Variants in VPS13D observed in about 807,000 individuals in gnomAD.
VPS13D encodes vacuolar protein sorting 13 homolog D, also known as intermembrane lipid transfer protein VPS13D.
In VPS13D, 187 loss-of-function variants were observed where a neutral mutation model predicts 461.9. The ratio of observed to expected loss-of-function variants is 0.40; its 90% CI spans 0.36 to 0.46. The LOEUF is 0.46. VPS13D is among the 20% of genes least tolerant of loss of function. The pLI is 0.60. For missense variants in VPS13D, 4,711 were observed against 5,364.9 expected (o/e 0.88, Z 3.81); for synonymous variants, 1,951 against 1,986.3 (o/e 0.98, Z 0.47).
intron 57 of VPS13D, among the ~76,000 whole-genome samples, chr1:12,381,984 C>CTTTCTTTCTT (rs1557745739): frequency 3.2e-5 from 2 of 63,318 alleles, no homozygotes; most frequent in East Asian, 3.9e-4. Context: ...CTTTCTTTCT[C>CTTTCTTTCTT]TCTCTCTCTC....
chr1:12,268,927 A>G, intron 16 of VPS13D, 51 bp downstream of exon 16: 1 of 1,571,954 alleles, frequency 6.4e-7, no homozygotes, highest in Non-Finnish European at 8.6e-7. Context: ...AAACATCTTT[A>G]TTGTTATTTC....
intron 16 of VPS13D, among the ~76,000 whole-genome samples, chr1:12,270,275 G>A (rs1446185924): frequency 6.6e-6 from 1 of 151,884 alleles, no homozygotes; most frequent in Non-Finnish European, 1.5e-5. Context: ...TAGCCAACAT[G>A]GTGAAACCCT....
Position 12,256,562 on chromosome 1 carries a change from G to A in VPS13D, c.840+59G>A, listed in dbSNP as rs570980233. 1.2e-5 allele frequency: 19 copies of A among 1,575,858 alleles called. 1 individual carries two copies. In the African/African-American group the frequency reaches 2.3e-4, roughly 19 times the overall value. ...TGTCAAACTGGTGACTGCAGTGAAA[G>A]TCTTGATATTAACGTATCCTCAGCA... On this transcript the variant is annotated intron_variant, in intron 8 of 69. Transcript: ENST00000620676.
At chr1:12,278,727 A>T (rs1641692500) in intron 19 of VPS13D, among the ~76,000 whole-genome samples, 1 of 152,156 alleles carries the variant, frequency 6.6e-6, no homozygotes, top group Non-Finnish European at 1.5e-5. Flanking sequence ...TCCTAGTTAA[A>T]CATTTTAGCC....
At chr1:12,230,630 A>C (rs1478541316) in intron 1 of VPS13D, among the ~76,000 whole-genome samples, 2 of 151,928 alleles carry the variant, frequency 1.3e-5, no homozygotes, top group Admixed American at 1.3e-4. Context: ...CACCTCCCTT[A>C]ATCAGCCACC....
intron 15 of VPS13D, 51 bp from the exon 16 acceptor site, chr1:12,268,655 G>A (rs756122948): frequency 1.3e-6 from 2 of 1,569,514 alleles, no homozygotes; most frequent in Admixed American, 2.0e-5. Flanking sequence ...CTGTTAATAA[G>A]GCTATAGTTT....
intron 56 of VPS13D, 132 bp downstream of exon 56, chr1:12,378,723 C>A: frequency 1.0e-6 from 1 of 966,052 alleles, no homozygotes; most frequent in Non-Finnish European, 1.4e-6. Context: ...AAAAACCTGT[C>A]ATATTCCCAA....
chr1:12,303,133 T>G (rs1441738576), intron 25 of VPS13D, among the ~76,000 whole-genome samples: 1 of 152,234 alleles, frequency 6.6e-6, no homozygotes, highest in Non-Finnish European at 1.5e-5. Context: ...TTTGCATGTG[T>G]GAGGTTTGTC....
chr1:12,253,880 T>C (rs1418498195), intron 7 of VPS13D, 54 bp downstream of exon 7: 1 of 1,441,344 alleles, frequency 6.9e-7, no homozygotes, highest in African/African-American at 1.4e-5. Flanking sequence ...GGAAGCGGCG[T>C]AGGGTCACTG....
intron 65 of VPS13D, among the ~76,000 whole-genome samples, chr1:12,428,371 A>G (rs940074212): frequency 6.6e-6 from 1 of 152,178 alleles, no homozygotes; most frequent in African/African-American, 2.4e-5. Context: ...TCTATTACAC[A>G]CCAGTGGGGA....
At chr1:12,408,966 T>C (rs914671964) in intron 63 of VPS13D, among the ~76,000 whole-genome samples, 14 of 152,230 alleles carry the variant, frequency 9.2e-5, no homozygotes, top group African/African-American at 3.4e-4. Flanking sequence ...CACTTGTCTA[T>C]TTTTCTGTCA....
rs935142852 is a variant in VPS13D, at chr1:12,343,066, ATTC to A, written c.8885+18_8885+20del. On this transcript the variant is annotated intron_variant, in intron 42 of 69. Transcript: ENST00000620676. Reference sequence around the variant, plus strand: ...TTAAGACACAGGTAAAGTATGGTTTATTCTTTTCTTTAAAAAAAAGAAAGTGGA... The same window carrying A: ...TTAAGACACAGGTAAAGTATGGTTTATTTTCTTTAAAAAAAAGAAAGTGGA... The A allele has an allele frequency of 6.3e-7, 1 of 1,577,378 alleles. No homozygotes were observed. The highest frequency in any genetic ancestry group is 1.3e-5 in the African/African-American group (1 of 74,574).
At chr1:12,246,088 G>A (rs1265147843) in intron 5 of VPS13D, among the ~76,000 whole-genome samples, 3 of 152,228 alleles carry the variant, frequency 2.0e-5, no homozygotes, top group Non-Finnish European at 4.4e-5. Flanking sequence ...TGTGGAGGTA[G>A]CTGGGCCTTT....
At chr1:12,385,610 G>GTGT in intron 59 of VPS13D, among the ~76,000 whole-genome samples, 2 of 152,168 alleles carry the variant, frequency 1.3e-5, no homozygotes, top group African/African-American at 2.4e-5. Context: ...AATAAAGGAA[G>GTGT]CTAAATTGTT....
intron 65 of VPS13D, among the ~76,000 whole-genome samples, chr1:12,454,919 CT>C (rs1428113231): frequency 6.6e-6 from 1 of 152,228 alleles, no homozygotes; most frequent in East Asian, 1.9e-4. Flanking sequence ...ATATCCTTCT[CT>C]TTTTATGCCT....
chr1:12,299,118 C>G lies in VPS13D; in HGVS notation c.6034-84C>G, dbSNP rs114797092. On this transcript the variant is annotated intron_variant, in intron 24 of 69. Transcript: ENST00000620676. This position sits in a 1 kb window ranked among gnomAD's most constrained non-coding sequence, Gnocchi z 4.2. ...TGATTTTAATTGTTTTATAAACTCA[C>G]GAAACTTTTGGGAACCTGAGGTTAT... 0.016 allele frequency: 22,128 copies of G among 1,348,570 alleles called. 239 individuals carry two copies. The highest frequency in any genetic ancestry group is 0.04 in the African/African-American group (2,699 of 68,264). The allele number at this position is 1,348,570 out of a possible 1,614,324, so 83.5% of individuals were successfully genotyped here.
At chr1:12,508,335 G>A (rs567461565) in intron 69 of VPS13D, among the ~76,000 whole-genome samples, 3 of 152,258 alleles carry the variant, frequency 2.0e-5, no homozygotes, top group South Asian at 4.1e-4. Context: ...TCTTACCTCT[G>A]CAGATCAGTT....
chr1:12,442,908 T>C lies in VPS13D; in HGVS notation c.12334-13090T>C, dbSNP rs1570179747. Among the ~76,000 whole-genome samples, 2 of 152,356 alleles carry C rather than the reference T, an allele frequency of 1.3e-5. 1 individual carries two copies. Among genetic ancestry groups the C allele is most frequent in the South Asian group, 4.1e-4 (2 of 4,834 alleles). Reference sequence around the variant, plus strand: ...CCAGCCTAAGGTTTATTTCTTAAATTGAATTCTGCCTTTGGTAGCATGCTT... The same window carrying C: ...CCAGCCTAAGGTTTATTTCTTAAATCGAATTCTGCCTTTGGTAGCATGCTT... On this transcript the variant is annotated intron_variant, in intron 65 of 69. Coordinates refer to ENST00000620676, the MANE Select transcript of VPS13D (RefSeq NM_015378.4).
rs140084789 is a variant in VPS13D at position 12,347,933 on chromosome 1, G to A, written c.9070-890G>A. On this transcript the variant is annotated intron_variant, in intron 44 of 69. Coordinates refer to ENST00000620676, the MANE Select transcript of VPS13D (RefSeq NM_015378.4). ...ACATATGGAAAAATAACGTAATGGC[G>A]GTAACCCAAGACCAAAATAAATAAT... Among the ~76,000 whole-genome samples, 170 of 152,236 alleles carry A rather than the reference G, an allele frequency of 1.1e-3. 3 individuals are homozygous for A. The highest frequency in any genetic ancestry group is 3.5e-3 in the African/African-American group (146 of 41,548).
Sources: allele counts gnomAD v4.1 joint callset (sites outside exome capture counted in the v4.1 genomes callset), GRCh38; gene constraint gnomAD v4.1.1; non-coding constraint Gnocchi (gnomAD v3.1); transcripts MANE v1.5; gene names NCBI Gene and HGNC (gene_info 2026-07-23, HGNC 2026-07-21).